Variants in SCAF1 observed in about 807,000 individuals in gnomAD.
SCAF1 encodes SR-related CTD associated factor 1.
SCAF1 carries 28 observed loss-of-function variants against 91.2 expected under a neutral mutation model. The observed-to-expected ratio is 0.31, with a 90% CI of 0.23 to 0.42. The LOEUF (loss-of-function observed/expected upper bound fraction) is 0.42, where lower values mean the gene tolerates loss of function less well. Ranked by LOEUF, SCAF1 falls within the 10% of genes least tolerant of loss-of-function variation. The pLI, the probability that SCAF1 is intolerant of heterozygous loss-of-function variation, is 1.00. For missense variants in SCAF1, 1,893 were observed against 1,872.1 expected, an observed-to-expected ratio of 1.01 and a Z score of -0.21; for synonymous variants, 1,036 against 833.7, an observed-to-expected ratio of 1.24 and a Z score of -4.18.
chr19:49,650,847 T>C, intron 6 of SCAF1, 21 bp from the exon 7 acceptor site: 1 of 1,592,230 alleles, frequency 6.3e-7, no homozygotes, highest in Non-Finnish European at 8.6e-7. Flanking sequence ...TGACCGCCTC[T>C]CTCTCCCTGT....
At position 49,642,436 on chromosome 19, in the gene SCAF1, G is replaced by A. The variant is rs1000241123; in HGVS notation, c.-7+194G>A. Reference sequence around the variant, plus strand: ...GGGGGCCTTCTCAGGGCCCCGGGACGCATCCGTGGGTTCCTGGGGGCGTCT... The same window carrying A: ...GGGGGCCTTCTCAGGGCCCCGGGACACATCCGTGGGTTCCTGGGGGCGTCT... On this transcript the variant is annotated intron_variant, in intron 1 of 10. Transcript: ENST00000360565. This position sits in a 1 kb window ranked among gnomAD's most constrained non-coding sequence, Gnocchi z 4.0. Among the ~76,000 whole-genome samples the A allele has an allele frequency of 3.3e-5, 5 of 152,278 alleles. No individual in the cohort carries two copies. The highest frequency in any genetic ancestry group is 9.6e-5 in the African/African-American group (4 of 41,574).
At chr19:49,649,790 C>T (rs1420641419) in intron 6 of SCAF1, among the ~76,000 whole-genome samples, 3 of 152,234 alleles carry the variant, frequency 2.0e-5, no homozygotes, top group South Asian at 2.1e-4. Flanking sequence ...CCACCCCACC[C>T]GGCCATAAAG....
Position 49,653,655 on chromosome 19 carries a change from C to T in SCAF1, c.3266C>T (p.Pro1089Leu). 3 of 1,588,896 alleles carry T rather than the reference C, an allele frequency of 1.9e-6. No homozygotes were observed. The highest frequency in any genetic ancestry group is 1.1e-5 in the South Asian group (1 of 88,454). ...SQLPTLPPPMPWNLPAGVDCT... is the reference protein window; with the variant it reads ...SQLPTLPPPMLWNLPAGVDCT... ...CTGCCCACGTTGCCCCCGCCCATGC[C>T]CTGGAATCTGCCAGCTGGTGTGGAC... The change falls in exon 7 of 11, where the codon CCC (proline) becomes CTC (leucine). Residue 1089 changes from proline (P) to leucine (L), a missense_variant. This residue lies in a region of SCAF1 where 1,436 missense variants were observed against 1,306.8 expected (regional missense o/e 1.10). Coordinates refer to ENST00000360565, the MANE Select transcript of SCAF1 (RefSeq NM_021228.3).
Position 49,645,053 on chromosome 19 carries a change from G to A in SCAF1, c.27G>A (p.Gly9=). 6.2e-7 allele frequency: 1 copy of A among 1,614,158 alleles called. No homozygotes were observed. Reference sequence around the variant, plus strand: ...TGGAGGAAGAAGATGAGTCTCGAGGGAAGACAGAGGAGTCGGGGGAGGATC... The same window carrying A: ...TGGAGGAAGAAGATGAGTCTCGAGGAAAGACAGAGGAGTCGGGGGAGGATC... MEEEDESR[G]KTEESGEDRG... Residue 9 remains glycine (G), a synonymous_variant, in exon 2 of 11, where the codon GGG becomes GGA. Transcript: ENST00000360565. The surrounding 1 kb of genome is among the most constrained non-coding windows in gnomAD (Gnocchi z 4.6).
At chr19:49,644,183 C>T (rs1455512569) in intron 1 of SCAF1, among the ~76,000 whole-genome samples, 2 of 152,140 alleles carry the variant, frequency 1.3e-5, no homozygotes, top group African/African-American at 2.4e-5. Flanking sequence ...TGGATATTGT[C>T]TTATGAGTAG....
At position 49,653,829 on chromosome 19, in the gene SCAF1, G is replaced by C. The variant is rs1035736515; in HGVS notation, c.3316+124G>C. Reference sequence around the variant, plus strand: ...AGGTTTATAGGGACATAGACTGGGAGGGTGGGGGTGAGTAAAGGCCAGCCA... The same window carrying C: ...AGGTTTATAGGGACATAGACTGGGACGGTGGGGGTGAGTAAAGGCCAGCCA... On this transcript the variant is annotated intron_variant, in intron 7 of 10. Coordinates refer to ENST00000360565, the MANE Select transcript of SCAF1 (RefSeq NM_021228.3). 73 of 975,440 alleles carry C rather than the reference G, an allele frequency of 7.5e-5. No homozygotes were observed. In the African/African-American group the frequency reaches 9.6e-4, roughly 13 times the overall value. The allele number at this position is 975,440 out of a possible 1,614,324, so 60.4% of individuals were successfully genotyped here. A position where few individuals can be genotyped will look rare whatever the true frequency, so the allele number is the denominator to read the frequency against.
chr19:49,652,385 G>A lies in SCAF1; in HGVS notation c.1996G>A (p.Ala666Thr), dbSNP rs770637228. 2 of 1,553,948 alleles carry A rather than the reference G, an allele frequency of 1.3e-6. No homozygotes were observed. The highest frequency in any genetic ancestry group is 2.4e-5 in the East Asian group (1 of 42,008). The change falls in exon 7 of 11, where the codon GCC becomes ACC. Residue 666 changes from alanine to threonine, a missense_variant. Ala to Thr is a moderately conservative substitution (Grantham distance 58). Around this residue, in one of 5 missense-constraint regions of SCAF1, gnomAD observed 1,436 missense variants for 1,306.8 expected, o/e 1.10. Transcript: ENST00000360565. Reference sequence around the variant, plus strand: ...TGGCAGCGAGAAGGCCCCGGCGCCCGCCCCGCCGCCCTCTGGCTCCACCTC... The same window carrying A: ...TGGCAGCGAGAAGGCCCCGGCGCCCACCCCGCCGCCCTCTGGCTCCACCTC... ...GDGSEKAPAP[A>T]PPPSGSTSCG...
Position 49,652,785 on chromosome 19 carries a change from A to G in SCAF1, c.2396A>G (p.Lys799Arg). ...TCATCCAAGAAGGCCCGGCCCCCCA[A>G]GGAGTCGGCGCCTTCCTCAGGGCCC... is the stretch of plus-strand genomic sequence containing the variant. ...DRSSKKARPPKESAPSSGPPP... is the reference protein window; with the variant it reads ...DRSSKKARPPRESAPSSGPPP... The change falls in exon 7 of 11, where the codon AAG becomes AGG. Residue 799 changes from lysine (K) to arginine (R), a missense_variant. Physicochemically the swap from Lys to Arg is conservative, Grantham distance 26. This residue lies in a region of SCAF1 where 1,436 missense variants were observed against 1,306.8 expected (regional missense o/e 1.10). Transcript: ENST00000360565. 2 of 1,613,490 alleles carry G rather than the reference A, an allele frequency of 1.2e-6. No individual in the cohort carries two copies. Among genetic ancestry groups the G allele is most frequent in the Non-Finnish European group, 1.7e-6 (2 of 1,179,852 alleles).
rs1192615179 is a variant in SCAF1 at position 49,654,639 on chromosome 19, C to T, written c.3400-13C>T. 1.2e-5 allele frequency: 19 copies of T among 1,603,658 alleles called. No homozygotes were observed. The East Asian group carries it at 4.2e-4, about 36-fold the overall frequency. Reference sequence around the variant, plus strand: ...CTCCCTTTACTCATCACCCCTCTGTCCTCGTCCCACAGATCCTCAGCCACA... The same window carrying T: ...CTCCCTTTACTCATCACCCCTCTGTTCTCGTCCCACAGATCCTCAGCCACA... On this transcript the variant is annotated splice_polypyrimidine_tract_variant and intron_variant, in intron 8 of 10. Transcript: ENST00000360565.
In SCAF1 at chr19:49,646,434, C is replaced by A; in HGVS notation, c.262-92C>A. On this transcript the variant is annotated intron_variant, in intron 4 of 10. Transcript: ENST00000360565. The surrounding 1 kb of genome is among the most constrained non-coding windows in gnomAD (Gnocchi z 5.6). ...CAGTTTTCTTGGGGATCTTAGATGT[C>A]TGGGTTCCTGAGAGGTTAGGGAGTG... 1 of 1,150,716 alleles carries A rather than the reference C, an allele frequency of 8.7e-7. No homozygotes were observed. The highest frequency in any genetic ancestry group is 1.3e-6 in the Non-Finnish European group (1 of 771,254). 71.3% of individuals were successfully genotyped at this position (1,150,716 alleles called of 1,614,324 possible). A position where few individuals can be genotyped will look rare whatever the true frequency, so the allele number is the denominator to read the frequency against.
upstream of SCAF1, among the ~76,000 whole-genome samples, chr19:49,640,506 G>C (rs1470632111): frequency 6.6e-6 from 1 of 152,180 alleles, no homozygotes; most frequent in East Asian, 1.9e-4. Flanking sequence ...TTGGGGCATC[G>C]TCTCCGAGGC....
intron 9 of SCAF1, among the ~76,000 whole-genome samples, chr19:49,655,357 A>T (rs756730717): frequency 3.3e-5 from 5 of 151,800 alleles, no homozygotes; most frequent in Non-Finnish European, 5.9e-5. Context: ...TCAGGTCTAG[A>T]TGTGGGTTTT....
upstream of SCAF1, among the ~76,000 whole-genome samples, chr19:49,641,412 G>T (rs1373487829): frequency 6.6e-6 from 1 of 152,204 alleles, no homozygotes; most frequent in South Asian, 2.1e-4. Flanking sequence ...CGCTTCCCGG[G>T]TTCAAGCGAT....
intron 8 of SCAF1, 99 bp from the exon 9 acceptor site, chr19:49,654,553 C>T: frequency 7.4e-7 from 1 of 1,357,910 alleles, no homozygotes; most frequent in East Asian, 2.3e-5. Context: ...GAGCCTGTTG[C>T]CTCAGCTGTG....
rs1251788467 is a variant in SCAF1, at chr19:49,651,550, C to T, written c.1161C>T (p.Gly387=). Reference sequence around the variant, plus strand: ...TCCCGCCGCCCCTGCTGCCGCCCGGCGACTCGGAGATCGAGGAAGGGGAGA... The same window carrying T: ...TCCCGCCGCCCCTGCTGCCGCCCGGTGACTCGGAGATCGAGGAAGGGGAGA... ...AALPPPLLPP[G]DSEIEEGEIV... is the part of the protein sequence containing the mutation. The change falls in exon 7 of 11, where the codon GGC becomes GGT. Residue 387 remains glycine, a synonymous_variant. Coordinates refer to ENST00000360565, the MANE Select transcript of SCAF1 (RefSeq NM_021228.3). The T allele has an allele frequency of 3.2e-6, 5 of 1,559,158 alleles. No individual in the cohort carries two copies. Among genetic ancestry groups the T allele is most frequent in the Non-Finnish European group, 4.3e-6 (5 of 1,153,528 alleles).
At position 49,651,443 on chromosome 19, in the gene SCAF1, G is replaced by C. The variant is rs755677011; in HGVS notation, c.1054G>C (p.Val352Leu). 2 of 1,595,220 alleles carry C rather than the reference G, an allele frequency of 1.3e-6. No homozygotes were observed. The highest frequency in any genetic ancestry group is 3.5e-5 in the Admixed American group (2 of 57,922). ...GGCTGATGGAGCCATGCGCCGGCGG[G>C]TCTTCGTGGTGGGGACCGAGGCAGA... ...TRADGAMRRRVFVVGTEAEAC... is the reference protein window; with the variant it reads ...TRADGAMRRRLFVVGTEAEAC... The change falls in exon 7 of 11, where the codon GTC becomes CTC. Residue 352 changes from valine to leucine, a missense_variant. By Grantham distance (32) the Val-to-Leu change is conservative. This residue lies in a region of SCAF1 where 1,436 missense variants were observed against 1,306.8 expected (regional missense o/e 1.10). Transcript: ENST00000360565.
In SCAF1 at chr19:49,658,576, C is replaced by A. The variant is rs778251988; in HGVS notation, c.*177C>A. The A allele has an allele frequency of 3.6e-5, 22 of 610,666 alleles. No homozygotes were observed. The South Asian group carries it at 4.4e-4, about 12-fold the overall frequency. 37.8% of individuals were successfully genotyped at this position (610,666 alleles called of 1,614,324 possible). ...CCACCTCCCTTGCCCCCAAGCCTGT[C>A]CCCAGTGCCCCTCCCTTCTGTTTGT... On this transcript the variant is annotated 3_prime_UTR_variant, in exon 11 of 11. Coordinates refer to ENST00000360565, the MANE Select transcript of SCAF1 (RefSeq NM_021228.3).
chr19:49,651,886 C>A lies in SCAF1; in HGVS notation c.1497C>A (p.Pro499=). 1 of 1,194,510 alleles carries A rather than the reference C, an allele frequency of 8.4e-7. No homozygotes were observed. The highest frequency in any genetic ancestry group is 1.0e-6 in the Non-Finnish European group (1 of 960,346). The allele number at this position is 1,194,510 out of a possible 1,614,324, so 74.0% of individuals were successfully genotyped here. A position where few individuals can be genotyped will look rare whatever the true frequency, so the allele number is the denominator to read the frequency against. The change falls in exon 7 of 11, where the codon CCC becomes CCA. Residue 499 remains proline (P), a synonymous_variant. Transcript: ENST00000360565. ...GGGAGCGCTACCGCCAGCGCTCGCCCTCCCCGGCGCCCGCGCCCGCCCCGG... is the reference window on the plus strand; with the variant it reads ...GGGAGCGCTACCGCCAGCGCTCGCCATCCCCGGCGCCCGCGCCCGCCCCGG... The part of the protein sequence containing the change: ...QRRERYRQRS[P]SPAPAPAPAA...
chr19:49,658,163 G>A, intron 10 of SCAF1, 45 bp from the exon 11 acceptor site: 3 of 1,583,102 alleles, frequency 1.9e-6, no homozygotes, highest in Non-Finnish European at 2.6e-6. Flanking sequence ...GGTGGATGGG[G>A]CCCCGGGAGC....
Sources: gnomAD v4.1 joint callset for allele counts (sites outside exome capture counted in the v4.1 genomes callset) on GRCh38, gnomAD v4.1.1 for gene constraint, gnomAD v4.1.1 regional missense constraint, Gnocchi (gnomAD v3.1) non-coding constraint, MANE v1.5 for transcripts, NCBI Gene and HGNC (gene_info 2026-07-23, HGNC 2026-07-21) for gene names.